PCDHGA7: variants seen among roughly 807,000 people sequenced by gnomAD.
PCDHGA7 encodes the protein protocadherin gamma subfamily A, 7, also known as protocadherin gamma-A7.
PCDHGA7 carries 44 observed loss-of-function variants against 58.3 expected under a neutral mutation model. The observed-to-expected ratio is 0.75, with a 90% CI of 0.59 to 0.97. The LOEUF (loss-of-function observed/expected upper bound fraction) is 0.97, where lower values mean the gene tolerates loss of function less well. PCDHGA7 is among the 50% of genes least tolerant of loss of function. The pLI is 0.00. For synonymous variants in PCDHGA7, 516 were observed against 504.2 expected (o/e 1.02, Z -0.31); for missense variants, 1,266 against 1,188.7 (o/e 1.06, Z -0.96).
In PCDHGA7 at chr5:141,477,031, A is replaced by C; in HGVS notation, c.2425-17776A>C. Reference sequence around the variant, plus strand: ...TAGACCTTGTAACCGGGATGCTGACAATCAAGGGTCGGCTGGACTTCGAGG... The same window carrying C: ...TAGACCTTGTAACCGGGATGCTGACCATCAAGGGTCGGCTGGACTTCGAGG... On this transcript the variant is annotated intron_variant, in intron 1 of 3. Coordinates refer to ENST00000518325, the MANE Select transcript of PCDHGA7 (RefSeq NM_018920.4). This position sits in a 1 kb window ranked among gnomAD's most constrained non-coding sequence, Gnocchi z 4.9. The C allele has an allele frequency of 6.2e-7, 1 of 1,614,248 alleles. No individual in the cohort carries two copies. Among genetic ancestry groups the C allele is most frequent in the Non-Finnish European group, 8.5e-7 (1 of 1,180,040 alleles).
chr5:141,410,066 C>G, intron 1 of PCDHGA7: 1 of 1,612,912 alleles, frequency 6.2e-7, no homozygotes, highest in Non-Finnish European at 8.5e-7. Context: ...CCTGGGGCTG[C>G]GCACTGGGGA....
At chr5:141,510,849 G>C (rs959784028) in intron 3 of PCDHGA7, 98 bp from the exon 4 acceptor site, 10 of 1,596,568 alleles carry the variant, frequency 6.3e-6, no homozygotes, top group Middle Eastern at 1.7e-4. Flanking sequence ...CAAGGCCCAG[G>C]GTGCTGTATA....
intron 3 of PCDHGA7, among the ~76,000 whole-genome samples, 193 bp downstream of exon 3, chr5:141,505,674 G>C (rs1482125302): frequency 6.6e-6 from 1 of 152,192 alleles, no homozygotes; most frequent in East Asian, 1.9e-4. Context: ...GGGGTTGGGG[G>C]TCCTGGGATG....
At chr5:141,409,904 G>A in intron 1 of PCDHGA7, 3 of 1,613,278 alleles carry the variant, frequency 1.9e-6, no homozygotes, top group Non-Finnish European at 2.5e-6. Flanking sequence ...CCCAGCTCTG[G>A]GTCCTGACGG....
chr5:141,400,230 G>A, intron 1 of PCDHGA7: 3 of 1,613,992 alleles, frequency 1.9e-6, no homozygotes, highest in Non-Finnish European at 2.5e-6. Flanking sequence ...TCTTCCTCCT[G>A]GCCGTGATTC....
chr5:141,431,333 C>T lies in PCDHGA7; in HGVS notation c.2424+46010C>T. 1 of 1,614,058 alleles carries T rather than the reference C, an allele frequency of 6.2e-7. No individual in the cohort carries two copies. Among genetic ancestry groups the T allele is most frequent in the Non-Finnish European group, 8.5e-7 (1 of 1,180,030 alleles). On this transcript the variant is annotated intron_variant, in intron 1 of 3. Coordinates refer to ENST00000518325, the MANE Select transcript of PCDHGA7 (RefSeq NM_018920.4). The surrounding 1 kb of genome is among the most constrained non-coding windows in gnomAD (Gnocchi z 4.8). ...AAATGGAGCCGACGGTAGTAAGTAC[C>T]CCGAATTGGTGCTGAAACGCGCCCT...
intron 1 of PCDHGA7, chr5:141,404,668 T>C: frequency 6.2e-7 from 1 of 1,614,148 alleles, no homozygotes; most frequent in Non-Finnish European, 8.5e-7. Flanking sequence ...CTGATGGTTC[T>C]ACTGGTGTGG....
chr5:141,466,358 A>T (rs1210013683), intron 1 of PCDHGA7, among the ~76,000 whole-genome samples: 3 of 152,066 alleles, frequency 2.0e-5, no homozygotes, highest in Non-Finnish European at 4.4e-5. Context: ...GCTAATCTAG[A>T]TGTAATGGTT....
intron 2 of PCDHGA7, among the ~76,000 whole-genome samples, chr5:141,499,445 C>A (rs904360147): frequency 1.3e-5 from 2 of 152,062 alleles, no homozygotes; most frequent in African/African-American, 4.8e-5. Flanking sequence ...AAAGGAAAAC[C>A]ACCCATCATT....
chr5:141,404,164 G>A, intron 1 of PCDHGA7: 2 of 1,613,126 alleles, frequency 1.2e-6, no homozygotes, highest in South Asian at 2.2e-5. Context: ...ATTACAGATT[G>A]TTGACGGCCC....
At chr5:141,456,224 A>ACT (rs1167290500) in intron 1 of PCDHGA7, among the ~76,000 whole-genome samples, 1 of 152,034 alleles carries the variant, frequency 6.6e-6, no homozygotes, top group Non-Finnish European at 1.5e-5. Context: ...GCGATATCAA[A>ACT]CTAACTGCTG....
intron 1 of PCDHGA7, among the ~76,000 whole-genome samples, chr5:141,451,703 A>G (rs975120935): frequency 6.6e-6 from 1 of 152,144 alleles, no homozygotes; most frequent in Non-Finnish European, 1.5e-5. Flanking sequence ...GTAACATGAC[A>G]AAACCCTGCC....
chr5:141,494,781 C>T, intron 1 of PCDHGA7, 26 bp from the exon 2 acceptor site: 1 of 1,614,074 alleles, frequency 6.2e-7, no homozygotes, highest in African/African-American at 1.3e-5. Flanking sequence ...GGGTACTCAG[C>T]CCCTTTCCCT....
intron 1 of PCDHGA7, among the ~76,000 whole-genome samples, chr5:141,462,382 C>T (rs80320684): frequency 0.016 from 2,433 of 152,148 alleles, 70 homozygotes; most frequent in African/African-American, 0.055. Flanking sequence ...CTTTTAAATT[C>T]GTTAACATTT....
intron 1 of PCDHGA7, chr5:141,394,755 G>A (rs2093086176): frequency 1.2e-6 from 2 of 1,613,434 alleles, no homozygotes; most frequent in Non-Finnish European, 8.5e-7. Context: ...GGCCGTCCAG[G>A]ACCATGGCCA....
At chr5:141,427,857 G>T (rs746661329) in intron 1 of PCDHGA7, 2 of 1,554,576 alleles carry the variant, frequency 1.3e-6, no homozygotes, top group Admixed American at 3.3e-5. Flanking sequence ...GCAGCTGTGC[G>T]CCTTCGAGCT....
intron 2 of PCDHGA7, among the ~76,000 whole-genome samples, chr5:141,498,277 G>T (rs1216561939): frequency 6.6e-6 from 1 of 151,924 alleles, no homozygotes; most frequent in African/African-American, 2.4e-5. Flanking sequence ...CAGTAAACTT[G>T]GTTCAAGATC....
chr5:141,490,497 C>T lies in PCDHGA7; in HGVS notation c.2425-4310C>T. 8 of 1,614,196 alleles carry T rather than the reference C, an allele frequency of 5.0e-6. No individual in the cohort carries two copies. Among genetic ancestry groups the T allele is most frequent in the Non-Finnish European group, 6.8e-6 (8 of 1,180,038 alleles). ...CTTTGGACCGGGAGGCCACATCCCACTATATCATCGAGCTGCTGGCCAGCG... is the reference window on the plus strand; with the variant it reads ...CTTTGGACCGGGAGGCCACATCCCATTATATCATCGAGCTGCTGGCCAGCG... On this transcript the variant is annotated intron_variant, in intron 1 of 3. Transcript: ENST00000518325. The surrounding 1 kb of genome is among the most constrained non-coding windows in gnomAD (Gnocchi z 5.4).
chr5:141,398,942 G>C (rs748252181), intron 1 of PCDHGA7: 1 of 1,613,766 alleles, frequency 6.2e-7, no homozygotes, highest in Non-Finnish European at 8.5e-7. Context: ...CAAGACGAGG[G>C]CATCAACTCA....
Sources: gnomAD v4.1 joint callset for allele counts (sites outside exome capture counted in the v4.1 genomes callset) on GRCh38, gnomAD v4.1.1 for gene constraint, Gnocchi (gnomAD v3.1) non-coding constraint, MANE v1.5 for transcripts, NCBI Gene and HGNC (gene_info 2026-07-23, HGNC 2026-07-21) for gene names.